The following STARD6 variants were observed in gnomAD, a reference collection of about 807,000 sequenced individuals.
The protein encoded by STARD6 is stAR-related lipid transfer protein 6.
In STARD6, 21 loss-of-function variants were observed where a neutral mutation model predicts 22.3. That is an observed-to-expected ratio of 0.94 (90% CI 0.67 to 1.35). The LOEUF (loss-of-function observed/expected upper bound fraction) is 1.35. STARD6 is among the 40% of genes most tolerant of loss of function. The pLI is 0.00. For missense variants in STARD6, 269 were observed against 266.9 expected (o/e 1.01, Z -0.05); for synonymous variants, 80 against 88.1 (o/e 0.91, Z 0.52).
intron 4 of STARD6, among the ~76,000 whole-genome samples, chr18:54,347,906 G>A (rs2089052622): frequency 6.6e-6 from 1 of 152,062 alleles, no homozygotes; most frequent in Non-Finnish European, 1.5e-5. Context: ...TAATTCCCAG[G>A]TGTTGTAGGA....
intron 6 of STARD6, among the ~76,000 whole-genome samples, chr18:54,331,341 G>C (rs996511607): frequency 1.3e-5 from 2 of 152,134 alleles, no homozygotes; most frequent in Non-Finnish European, 2.9e-5. Context: ...TTTATGTAAA[G>C]AGCCATCTAG....
chr18:54,336,294 A>C (rs1383015423), intron 5 of STARD6, among the ~76,000 whole-genome samples: 1 of 152,150 alleles, frequency 6.6e-6, no homozygotes, highest in Non-Finnish European at 1.5e-5. Flanking sequence ...CTGTGTCCCC[A>C]CCCAAATCCC....
Position 54,324,576 on chromosome 18 carries a change from A to T in STARD6, c.*116T>A, listed in dbSNP as rs566446394. 2.1e-6 allele frequency: 2 copies of T among 957,720 alleles called. No individual in the cohort carries two copies. The highest frequency in any genetic ancestry group is 4.1e-5 in the South Asian group (2 of 48,310). 59.3% of individuals were successfully genotyped at this position (957,720 alleles called of 1,614,324 possible). On this transcript the variant is annotated 3_prime_UTR_variant, in exon 8 of 8. Coordinates refer to ENST00000307844, the MANE Select transcript of STARD6 (RefSeq NM_139171.2). ...TGAACTATCTTCAGCCATGTGTACA[A>T]GAATACTGTCTAGAATAGTTTAACA...
At chr18:54,338,758 T>C (rs1194225321) in intron 4 of STARD6, among the ~76,000 whole-genome samples, 1 of 150,962 alleles carries the variant, frequency 6.6e-6, no homozygotes, top group Non-Finnish European at 1.5e-5. Flanking sequence ...AATTATCATG[T>C]AAAAAATTTG....
chr18:54,330,200 A>T (rs1157520148), intron 6 of STARD6, among the ~76,000 whole-genome samples: 2 of 152,086 alleles, frequency 1.3e-5, no homozygotes, highest in Non-Finnish European at 2.9e-5. Flanking sequence ...AATCAATTCC[A>T]TGGGAAATAC....
At chr18:54,333,250 C>T (rs1599298068) in intron 5 of STARD6, among the ~76,000 whole-genome samples, 1 of 152,318 alleles carries the variant, frequency 6.6e-6, no homozygotes, top group East Asian at 1.9e-4. Context: ...GAGATCGAGA[C>T]TATCCTGGCT....
At chr18:54,342,078 A>T (rs1246399605) in intron 4 of STARD6, among the ~76,000 whole-genome samples, 1 of 152,240 alleles carries the variant, frequency 6.6e-6, no homozygotes, top group African/African-American at 2.4e-5. Context: ...ACCCTATACA[A>T]ATAAAAAGGG....
chr18:54,354,576 A>C lies in STARD6; in HGVS notation c.-3T>G, dbSNP rs765668818. 2.5e-6 allele frequency: 4 copies of C among 1,609,142 alleles called. No individual in the cohort carries two copies. The highest frequency in any genetic ancestry group is 4.5e-5 in the East Asian group (2 of 44,828). On this transcript the variant is annotated splice_region_variant and 5_prime_UTR_variant, in exon 3 of 8. Transcript: ENST00000307844. ...TGGGCAATTGCCTTGAAGTCCATCT[A>C]TCTGCAAGTTTTAAAAACAAACAAC...
intron 1 of STARD6, among the ~76,000 whole-genome samples, chr18:54,357,468 G>T (rs937057011): frequency 3.3e-5 from 5 of 152,160 alleles, no homozygotes; most frequent in Admixed American, 2.0e-4. Context: ...AAGTGGTGAG[G>T]GGGGACTGCC....
At chr18:54,343,369 T>G (rs1264371826) in intron 4 of STARD6, among the ~76,000 whole-genome samples, 1 of 132,638 alleles carries the variant, frequency 7.5e-6, no homozygotes, top group Non-Finnish European at 1.6e-5. Context: ...GGGAGGGAGG[T>G]GGGGGGTCAG....
intron 2 of STARD6, chr18:54,355,783 G>A (rs1250680871): frequency 6.6e-6 from 1 of 152,216 alleles, no homozygotes; most frequent in Non-Finnish European, 1.5e-5. Context: ...TTACTGCTGT[G>A]AATGAGTTCC....
At chr18:54,341,230 T>A (rs1300876590) in intron 4 of STARD6, among the ~76,000 whole-genome samples, 2 of 152,150 alleles carry the variant, frequency 1.3e-5, no homozygotes, top group African/African-American at 4.8e-5. Flanking sequence ...CGGCTAATTT[T>A]TTGTATTTTT....
At chr18:54,338,594 A>G (rs922267046) in intron 4 of STARD6, among the ~76,000 whole-genome samples, 7 of 152,116 alleles carry the variant, frequency 4.6e-5, no homozygotes, top group Admixed American at 6.5e-5. Flanking sequence ...TGGAGTCAGT[A>G]TCCAGAGTTG....
At chr18:54,349,536 C>CA (rs1440936009) in intron 4 of STARD6, among the ~76,000 whole-genome samples, 1 of 152,084 alleles carries the variant, frequency 6.6e-6, no homozygotes, top group Non-Finnish European at 1.5e-5. Flanking sequence ...TTTGGGGAAA[C>CA]AGGTGGTTTT....
intron 4 of STARD6, among the ~76,000 whole-genome samples, chr18:54,351,241 GA>G (rs1159594831): frequency 6.6e-6 from 1 of 152,018 alleles, no homozygotes; most frequent in East Asian, 1.9e-4. Context: ...TGCAGTGGTT[GA>G]AAAAGGGGTT....
intron 4 of STARD6, among the ~76,000 whole-genome samples, chr18:54,352,115 T>A (rs953708281): frequency 6.6e-6 from 1 of 151,352 alleles, no homozygotes; most frequent in Non-Finnish European, 1.5e-5. Context: ...GTTTCAATCT[T>A]GCTACTTGTT....
At chr18:54,335,924 T>C (rs191685791) in intron 5 of STARD6, among the ~76,000 whole-genome samples, 79 of 152,284 alleles carry the variant, frequency 5.2e-4, no homozygotes, top group African/African-American at 1.2e-3. Flanking sequence ...AAACCTTTTT[T>C]CTTCATAAAT....
chr18:54,329,412 AG>A lies in STARD6; in HGVS notation c.413del (p.Pro138LeufsTer30), dbSNP rs1443683587. ...SSKSVDFPEY[P>X]PSSNYIRGYN... is the part of the protein sequence containing the mutation. ...AACCGCGGATATAATTTGAAGATGGAGGATATTCTGGAAAATCCACACTTTT... is the reference window on the plus strand; with the variant it reads ...AACCGCGGATATAATTTGAAGATGGAGATATTCTGGAAAATCCACACTTTT... On this transcript the variant is annotated frameshift_variant, in exon 7 of 8. Coordinates refer to ENST00000307844, the MANE Select transcript of STARD6 (RefSeq NM_139171.2). LOFTEE classifies it high-confidence loss of function. 2 of 1,603,432 alleles carry A rather than the reference AG, an allele frequency of 1.2e-6. No individual in the cohort carries two copies. The highest frequency in any genetic ancestry group is 4.5e-5 in the East Asian group (2 of 44,058).
At chr18:54,357,466 A>AG (rs1042680114) in intron 1 of STARD6, among the ~76,000 whole-genome samples, 1 of 152,020 alleles carries the variant, frequency 6.6e-6, no homozygotes, top group Non-Finnish European at 1.5e-5. Flanking sequence ...AGAAGTGGTG[A>AG]GGGGGGACTG....
Sources: allele counts gnomAD v4.1 joint callset (sites outside exome capture counted in the v4.1 genomes callset), GRCh38; gene constraint gnomAD v4.1.1; transcripts MANE v1.5; gene names NCBI Gene and HGNC (gene_info 2026-07-23, HGNC 2026-07-21).